The following KSR1 variants were observed in gnomAD, a reference collection of about 807,000 sequenced individuals.
The protein encoded by KSR1 is kinase suppressor of ras 1.
KSR1 carries 35 observed loss-of-function variants against 92.9 expected under a neutral mutation model. The observed-to-expected ratio is 0.38, with a 90% CI of 0.29 to 0.50. KSR1 has a LOEUF of 0.50. Among genes scored for constraint, KSR1 ranks in the 20% least tolerant of loss-of-function variants. KSR1 has a pLI of 0.94. For missense variants in KSR1, 972 were observed against 1,158.5 expected (o/e 0.84, Z 2.34); for synonymous variants, 467 against 472.6 (o/e 0.99, Z 0.15).
At chr17:27,606,357 CA>C (rs759335850) in intron 14 of KSR1, among the ~76,000 whole-genome samples, 2 of 152,206 alleles carry the variant, frequency 1.3e-5, no homozygotes, top group South Asian at 4.1e-4. Flanking sequence ...CGCTTCTCCC[CA>C]AAGTCAGAGA....
Position 27,494,247 on chromosome 17 carries a change from G to A in KSR1, c.231+37373G>A, listed in dbSNP as rs146972470. Among the ~76,000 whole-genome samples, 3 of 152,228 alleles carry A rather than the reference G, an allele frequency of 2.0e-5. No homozygotes were observed. The East Asian group carries it at 5.8e-4, about 29-fold the overall frequency. ...TTGAAATTTGCAGGAGAAATGCCGTGTGGTTGCGTAATTCTATATGTGGAG... is the reference window on the plus strand; with the variant it reads ...TTGAAATTTGCAGGAGAAATGCCGTATGGTTGCGTAATTCTATATGTGGAG... On this transcript the variant is annotated intron_variant, in intron 1 of 20. Transcript: ENST00000644974.
intron 1 of KSR1, among the ~76,000 whole-genome samples, chr17:27,481,447 C>A (rs2068506140): frequency 6.6e-6 from 1 of 152,226 alleles, no homozygotes; most frequent in Admixed American, 6.5e-5. Flanking sequence ...GTTCATAGCA[C>A]ATACGTGCCA....
chr17:27,616,839 C>T (rs1050202519), intron 18 of KSR1, among the ~76,000 whole-genome samples: 8 of 152,158 alleles, frequency 5.3e-5, no homozygotes, highest in Non-Finnish European at 8.8e-5. Context: ...AGCTGCTGCC[C>T]GTATATCGAG....
intron 9 of KSR1, among the ~76,000 whole-genome samples, 184 bp from the exon 10 acceptor site, chr17:27,597,084 T>C (rs2073367447): frequency 6.6e-6 from 1 of 152,014 alleles, no homozygotes; most frequent in Non-Finnish European, 1.5e-5. Flanking sequence ...CCCCGGGGAG[T>C]GAGCACTGAG....
intron 1 of KSR1, among the ~76,000 whole-genome samples, chr17:27,507,612 T>C (rs1389951761): frequency 2.2e-5 from 3 of 133,470 alleles, no homozygotes; most frequent in Non-Finnish European, 4.7e-5. Context: ...ATTTCACTCC[T>C]GTTGCCCAGG....
intron 1 of KSR1, among the ~76,000 whole-genome samples, chr17:27,545,142 T>C (rs1338436162): frequency 6.6e-6 from 1 of 152,152 alleles, no homozygotes; most frequent in Non-Finnish European, 1.5e-5. Context: ...GAAGAATCAC[T>C]TCAAGTTCTG....
chr17:27,526,858 G>T, intron 1 of KSR1: 2 of 690,130 alleles, frequency 2.9e-6, no homozygotes, highest in Non-Finnish European at 5.2e-6. Flanking sequence ...GGAGTGCTCT[G>T]CAGGAAGTAG....
intron 10 of KSR1, among the ~76,000 whole-genome samples, chr17:27,600,772 G>A (rs1323457449): frequency 6.6e-6 from 1 of 152,202 alleles, no homozygotes; most frequent in Non-Finnish European, 1.5e-5. Context: ...GCACATGACT[G>A]TATTTACACC....
At chr17:27,563,493 A>C (rs946967600) in intron 2 of KSR1, among the ~76,000 whole-genome samples, 1 of 152,134 alleles carries the variant, frequency 6.6e-6, no homozygotes, top group Non-Finnish European at 1.5e-5. Context: ...CCTGGCTTCA[A>C]GTGATCCTCC....
intron 2 of KSR1, among the ~76,000 whole-genome samples, chr17:27,552,717 A>G (rs188695894): frequency 6.6e-6 from 1 of 152,274 alleles, no homozygotes; most frequent in Non-Finnish European, 1.5e-5. Context: ...CTTTTCATTC[A>G]TGAAGGGTTT....
intron 9 of KSR1, among the ~76,000 whole-genome samples, 172 bp from the exon 10 acceptor site, chr17:27,597,096 C>T (rs541910072): frequency 5.3e-5 from 8 of 152,194 alleles, no homozygotes; most frequent in African/African-American, 1.4e-4. Context: ...AGCACTGAGG[C>T]GAGGGCCTCT....
chr17:27,495,260 C>CT (rs2011204026), intron 1 of KSR1, among the ~76,000 whole-genome samples: 2 of 152,198 alleles, frequency 1.3e-5, no homozygotes. Context: ...CCTGAGCCCT[C>CT]TAATACTGAT....
At chr17:27,622,252 C>A in intron 20 of KSR1, 1 of 418,850 alleles carries the variant, frequency 2.4e-6, no homozygotes, top group Non-Finnish European at 4.3e-6. Context: ...CTTCTGAGGG[C>A]TGGTCTTGTT....
At chr17:27,474,736 C>A (rs1371944617) in intron 1 of KSR1, among the ~76,000 whole-genome samples, 1 of 152,094 alleles carries the variant, frequency 6.6e-6, no homozygotes, top group Non-Finnish European at 1.5e-5. Context: ...TAGCAGTGAA[C>A]AAAATGGACA....
chr17:27,486,642 C>G (rs1349102636), intron 1 of KSR1, among the ~76,000 whole-genome samples: 2 of 152,204 alleles, frequency 1.3e-5, no homozygotes, highest in Non-Finnish European at 2.9e-5. Flanking sequence ...GAGTGCCAAC[C>G]TTGACTGTGC....
At chr17:27,563,931 C>T (rs1179839718) in intron 2 of KSR1, among the ~76,000 whole-genome samples, 1 of 141,418 alleles carries the variant, frequency 7.1e-6, no homozygotes, top group Admixed American at 7.0e-5. Flanking sequence ...TCACAAGCTT[C>T]AATTATGTAT....
intron 1 of KSR1, among the ~76,000 whole-genome samples, chr17:27,546,732 C>T (rs1410274152): frequency 6.6e-6 from 1 of 152,146 alleles, no homozygotes; most frequent in Non-Finnish European, 1.5e-5. Flanking sequence ...CCTCTGGTCT[C>T]ACTGGGCGGG....
intron 4 of KSR1, among the ~76,000 whole-genome samples, chr17:27,584,143 G>T (rs2072881250): frequency 6.6e-6 from 1 of 152,090 alleles, no homozygotes; most frequent in Non-Finnish European, 1.5e-5. Context: ...TTACCTTCTT[G>T]TACCCCTGAG....
chr17:27,615,449 G>T (rs575969792), intron 18 of KSR1, among the ~76,000 whole-genome samples: 1 of 152,318 alleles, frequency 6.6e-6, no homozygotes, highest in Admixed American at 6.5e-5. Context: ...TTGGACCATG[G>T]CTTTCTTGTG....
Sources: allele counts gnomAD v4.1 joint callset (sites outside exome capture counted in the v4.1 genomes callset), GRCh38; gene constraint gnomAD v4.1.1; transcripts MANE v1.5; gene names NCBI Gene and HGNC (gene_info 2026-07-23, HGNC 2026-07-21).